TATDN2: variants seen among roughly 807,000 people sequenced by gnomAD.
TATDN2 encodes 3'-5' RNA nuclease TATDN2.
In TATDN2, 44 loss-of-function variants were observed where a neutral mutation model predicts 60.3. The ratio of observed to expected loss-of-function variants is 0.73; its 90% CI spans 0.57 to 0.94. The LOEUF (loss-of-function observed/expected upper bound fraction) is 0.94. TATDN2 is among the 40% of genes least tolerant of loss of function. The probability of loss-of-function intolerance (pLI) is 0.00; values close to 1 mark genes in which losing one functional copy is unlikely to be tolerated. For missense variants in TATDN2, 997 were observed against 948.0 expected (o/e 1.05, Z -0.68); for synonymous variants, 399 against 355.8 (o/e 1.12, Z -1.37).
intron 5 of TATDN2, among the ~76,000 whole-genome samples, chr3:10,276,789 A>G (rs557646935): frequency 6.6e-6 from 1 of 152,244 alleles, no homozygotes; most frequent in Admixed American, 6.5e-5. Context: ...GGGTTTTGCC[A>G]TGTTGGCCAG....
At chr3:10,266,591 A>T (rs181523736) in intron 3 of TATDN2, among the ~76,000 whole-genome samples, 1 of 152,218 alleles carries the variant, frequency 6.6e-6, no homozygotes, top group Non-Finnish European at 1.5e-5. Flanking sequence ...TAAAAAGCTA[A>T]TACAGGGTCA....
chr3:10,275,428 G>A (rs952728438), intron 4 of TATDN2, among the ~76,000 whole-genome samples: 4 of 152,126 alleles, frequency 2.6e-5, no homozygotes, highest in African/African-American at 9.7e-5. Context: ...ATTGACCTGC[G>A]AGGATACGCG....
chr3:10,255,132 C>A, intron 2 of TATDN2, among the ~76,000 whole-genome samples: 1 of 151,536 alleles, frequency 6.6e-6, no homozygotes, highest in South Asian at 2.1e-4. Flanking sequence ...GCCTCAGCCT[C>A]CCAAGTAGCT....
chr3:10,270,479 G>A lies in TATDN2; in HGVS notation c.1297G>A (p.Asp433Asn). ...STGSVQNTSR[D>N]MEASEEGWSQ... ...AGGGAGTGTCCAAAACACCTCCAGAGACATGGAGGCCTCAGAGGAAGGCTG... is the reference window on the plus strand; with the variant it reads ...AGGGAGTGTCCAAAACACCTCCAGAAACATGGAGGCCTCAGAGGAAGGCTG... The change falls in exon 4 of 8, where the codon GAC (aspartate) becomes AAC (asparagine). Residue 433 changes from aspartate to asparagine, a missense_variant. Coordinates refer to ENST00000448281, the MANE Select transcript of TATDN2 (RefSeq NM_014760.4). 1 of 1,614,208 alleles carries A rather than the reference G, an allele frequency of 6.2e-7. No homozygotes were observed. Among genetic ancestry groups the A allele is most frequent in the Non-Finnish European group, 8.5e-7 (1 of 1,180,034 alleles).
intron 2 of TATDN2, among the ~76,000 whole-genome samples, chr3:10,254,461 G>T (rs1698275452): frequency 1.3e-5 from 2 of 152,196 alleles, no homozygotes; most frequent in South Asian, 4.1e-4. Context: ...GCTCTCCTGC[G>T]TTCCCTGGAC....
At position 10,279,011 on chromosome 3, in the gene TATDN2, C is replaced by G; in HGVS notation, c.2272C>G (p.Leu758Val). Residue 758 changes from leucine to valine, a missense_variant, in exon 7 of 8, where the codon CTC (leucine) becomes GTC (valine). Transcript: ENST00000448281. ...TGCCTTGCGTGAGAACACCAGTCGC[C>G]TCTACAGTCTTTAAGCAGAGAAGGT... ...LAALRENTSR[L>V]YSL is the part of the protein sequence containing the mutation. 1 of 1,614,256 alleles carries G rather than the reference C, an allele frequency of 6.2e-7. No homozygotes were observed.
rs1423451696 is a variant in TATDN2, at chr3:10,257,857, TTTTTTTTTTTTTTTTTTTTG to T, written c.415-2279_415-2260del. Among the ~76,000 whole-genome samples, 6 of 89,836 alleles carry T rather than the reference TTTTTTTTTTTTTTTTTTTTG, an allele frequency of 6.7e-5. 1 individual carries two copies. Among genetic ancestry groups the T allele is most frequent in the South Asian group, 8.7e-4 (2 of 2,292 alleles). The allele number at this position is 89,836 out of a possible 152,430, so 58.9% of individuals were successfully genotyped here. On this transcript the variant is annotated intron_variant, in intron 2 of 7. Coordinates refer to ENST00000448281, the MANE Select transcript of TATDN2 (RefSeq NM_014760.4). ...AGGTTTATGATTTTTTTTTTTTTTT[TTTTTTTTTTTTTTTTTTTTG>T]GGAGATGGAGTCTTACTCTGTAGCC... is the stretch of plus-strand genomic sequence containing the variant.
rs891392491 is a variant in TATDN2 at position 10,254,809 on chromosome 3, C to T, written c.414+5195C>T. ...CACCAAGCAGTGCTTCCAGGAAGAA[C>T]GAACTCTCCCCTTTATGAAGTCAGG... On this transcript the variant is annotated intron_variant, in intron 2 of 7. Transcript: ENST00000448281. Among the ~76,000 whole-genome samples, 5 of 152,104 alleles carry T rather than the reference C, an allele frequency of 3.3e-5. No homozygotes were observed. In the South Asian group the frequency reaches 6.2e-4, roughly 19 times the overall value.
chr3:10,267,191 G>A (rs1576012359), intron 3 of TATDN2, among the ~76,000 whole-genome samples: 1 of 151,756 alleles, frequency 6.6e-6, no homozygotes, highest in South Asian at 2.1e-4. Flanking sequence ...AAAGTGCTGG[G>A]ATTACAGGCG....
At position 10,249,187 on chromosome 3, in the gene TATDN2, C is replaced by G. The variant is rs1463878177; in HGVS notation, c.-6-8C>G. On this transcript the variant is annotated splice_polypyrimidine_tract_variant and splice_region_variant and intron_variant, in intron 1 of 7. Transcript: ENST00000448281. ...GGTGTTGGAATCCAGGCCCCCTGTA[C>G]CTTGCAGGTGCCCATGGCGTCCGAG... 6.6e-7 allele frequency: 1 copy of G among 1,509,534 alleles called. No individual in the cohort carries two copies. The highest frequency in any genetic ancestry group is 8.9e-7 in the Non-Finnish European group (1 of 1,128,410). 93.5% of individuals were successfully genotyped at this position (1,509,534 alleles called of 1,614,324 possible).
At chr3:10,273,726 A>T (rs1698598039) in intron 4 of TATDN2, among the ~76,000 whole-genome samples, 1 of 152,212 alleles carries the variant, frequency 6.6e-6, no homozygotes, top group African/African-American at 2.4e-5. Flanking sequence ...AATAGAGAAA[A>T]GCAAAACAAT....
intron 2 of TATDN2, among the ~76,000 whole-genome samples, chr3:10,250,258 A>AC (rs3214422): frequency 0.25 from 38,218 of 150,802 alleles, 7,294 homozygotes; most frequent in East Asian, 0.69. Flanking sequence ...CTTTGAGCAG[A>AC]CCAAGGAGTG....
At position 10,278,615 on chromosome 3, in the gene TATDN2, C is replaced by T. The variant is rs758088607; in HGVS notation, c.2145+153C>T. On this transcript the variant is annotated intron_variant, in intron 6 of 7. Transcript: ENST00000448281. The surrounding 1 kb of genome is among the most constrained non-coding windows in gnomAD (Gnocchi z 4.7). Reference sequence around the variant, plus strand: ...GCCTCCTTGCTGTTACTCTGCAGAACCAAAAGTCTAGGGGGCTGAGAAGCT... The same window carrying T: ...GCCTCCTTGCTGTTACTCTGCAGAATCAAAAGTCTAGGGGGCTGAGAAGCT... 1.8e-6 allele frequency: 2 copies of T among 1,136,004 alleles called. 1 individual carries two copies. Among genetic ancestry groups the T allele is most frequent in the South Asian group, 2.5e-5 (2 of 79,276 alleles). The allele number at this position is 1,136,004 out of a possible 1,614,324, so 70.4% of individuals were successfully genotyped here.
chr3:10,270,692 A>G lies in TATDN2; in HGVS notation c.1510A>G (p.Met504Val), dbSNP rs1429375518. 1.2e-6 allele frequency: 2 copies of G among 1,614,258 alleles called. No homozygotes were observed. The highest frequency in any genetic ancestry group is 8.5e-7 in the Non-Finnish European group (1 of 1,180,050). Residue 504 changes from methionine to valine, a missense_variant, in exon 4 of 8, where the codon ATG becomes GTG. Coordinates refer to ENST00000448281, the MANE Select transcript of TATDN2 (RefSeq NM_014760.4). The stretch of plus-strand genomic sequence containing the variant: ...CATTGACACTCATTGTCACCTGGAC[A>G]TGCTCTATTCCAAGCTATCTTTCCA... ...GFIDTHCHLD[M>V]LYSKLSFQGT...
chr3:10,271,779 C>T (rs896629165), intron 4 of TATDN2, among the ~76,000 whole-genome samples: 13 of 151,684 alleles, frequency 8.6e-5, no homozygotes, highest in African/African-American at 2.2e-4. Flanking sequence ...GGCACGATCT[C>T]GGCTCACTGC....
At chr3:10,271,901 G>C (rs976174604) in intron 4 of TATDN2, among the ~76,000 whole-genome samples, 3 of 151,220 alleles carry the variant, frequency 2.0e-5, no homozygotes, top group Admixed American at 6.6e-5. Flanking sequence ...GCTAATTTTT[G>C]TATTTTTAGT....
At chr3:10,262,172 A>G (rs184611413) in intron 3 of TATDN2, among the ~76,000 whole-genome samples, 4 of 152,238 alleles carry the variant, frequency 2.6e-5, no homozygotes, top group East Asian at 3.9e-4. Context: ...TCTTGGAGGT[A>G]TACGTCCTCA....
Position 10,278,187 on chromosome 3 carries a change from G to C in TATDN2, c.1962-92G>C, listed in dbSNP as rs1698665640. The stretch of plus-strand genomic sequence containing the variant: ...TAGGATGCAGTCTTTCCATTTCTGG[G>C]AATCATTGAAAAGGGGTGATGGGTG... On this transcript the variant is annotated intron_variant, in intron 5 of 7. Coordinates refer to ENST00000448281, the MANE Select transcript of TATDN2 (RefSeq NM_014760.4). The surrounding 1 kb of genome is among the most constrained non-coding windows in gnomAD (Gnocchi z 4.7). The C allele has an allele frequency of 1.4e-6, 2 of 1,397,960 alleles. No homozygotes were observed. Among genetic ancestry groups the C allele is most frequent in the Admixed American group, 2.1e-5 (1 of 48,402 alleles). The allele number at this position is 1,397,960 out of a possible 1,614,324, so 86.6% of individuals were successfully genotyped here. A position where few individuals can be genotyped will look rare whatever the true frequency, so the allele number is the denominator to read the frequency against.
At chr3:10,265,768 T>G (rs1052872660) in intron 3 of TATDN2, among the ~76,000 whole-genome samples, 1 of 151,416 alleles carries the variant, frequency 6.6e-6, no homozygotes, top group South Asian at 2.1e-4. Flanking sequence ...TTTATTTTTC[T>G]GTGGTCCCCT....
Sources: allele counts gnomAD v4.1 joint callset (sites outside exome capture counted in the v4.1 genomes callset), GRCh38; gene constraint gnomAD v4.1.1; non-coding constraint Gnocchi (gnomAD v3.1); transcripts MANE v1.5; gene names NCBI Gene and HGNC (gene_info 2026-07-23, HGNC 2026-07-21).